Variants in CPA6 observed in about 807,000 individuals in gnomAD.
CPA6 encodes the protein carboxypeptidase B.
CPA6 carries 58 observed loss-of-function variants against 63.3 expected under a neutral mutation model. The ratio of observed to expected loss-of-function variants is 0.92; its 90% confidence interval spans 0.74 to 1.14. CPA6 has a LOEUF of 1.14. CPA6 is among the 50% of genes most tolerant of loss of function. CPA6 has a pLI of 0.00. For synonymous variants in CPA6, 185 were observed against 179.0 expected (o/e 1.03, Z -0.27); for missense variants, 565 against 526.6 (o/e 1.07, Z -0.71).
intron 2 of CPA6, among the ~76,000 whole-genome samples, chr8:67,559,750 C>T (rs1564000366): frequency 1.3e-5 from 2 of 151,970 alleles, no homozygotes; most frequent in African/African-American, 4.8e-5. Flanking sequence ...AGGCATCATT[C>T]TCTGAGCCAT....
At chr8:67,669,812 C>A (rs940226560) in intron 1 of CPA6, among the ~76,000 whole-genome samples, 5 of 151,622 alleles carry the variant, frequency 3.3e-5, no homozygotes, top group African/African-American at 1.2e-4. Context: ...AAAAACAACC[C>A]CAAAAAACAG....
At chr8:67,565,429 G>T (rs559948824) in intron 2 of CPA6, among the ~76,000 whole-genome samples, 11 of 152,230 alleles carry the variant, frequency 7.2e-5, no homozygotes, top group African/African-American at 2.4e-4. Flanking sequence ...CACTTTGAAG[G>T]CTGTTCTTTT....
chr8:67,488,680 C>A (rs1241265687), intron 6 of CPA6, among the ~76,000 whole-genome samples: 2 of 152,150 alleles, frequency 1.3e-5, no homozygotes, highest in Admixed American at 1.3e-4. Flanking sequence ...TCTTCCTATC[C>A]ATGAGCATGG....
chr8:67,611,415 C>T (rs184557269), intron 2 of CPA6, among the ~76,000 whole-genome samples: 2 of 152,128 alleles, frequency 1.3e-5, no homozygotes, highest in Non-Finnish European at 2.9e-5. Context: ...CTATATTCCA[C>T]TTTAGATGGT....
intron 2 of CPA6, among the ~76,000 whole-genome samples, chr8:67,553,180 A>G (rs1229454663): frequency 6.6e-6 from 1 of 152,224 alleles, no homozygotes; most frequent in Admixed American, 6.5e-5. Context: ...CACCTGGCTG[A>G]CAGTGACTTA....
intron 10 of CPA6, among the ~76,000 whole-genome samples, chr8:67,425,201 T>C (rs1312972589): frequency 1.3e-5 from 2 of 152,204 alleles, no homozygotes; most frequent in African/African-American, 4.8e-5. Context: ...ATTAAATGAA[T>C]AAATGTTTCA....
At chr8:67,633,554 G>T (rs1024692242) in intron 1 of CPA6, among the ~76,000 whole-genome samples, 12 of 151,948 alleles carry the variant, frequency 7.9e-5, no homozygotes, top group Non-Finnish European at 1.6e-4. Flanking sequence ...GGTGGCGGGC[G>T]CCTGTAGTCC....
intron 2 of CPA6, among the ~76,000 whole-genome samples, chr8:67,605,506 T>A (rs1814608832): frequency 6.7e-6 from 1 of 150,034 alleles, no homozygotes; most frequent in Admixed American, 6.7e-5. Flanking sequence ...ATTTTAAAAA[T>A]TTGTATTTTT....
chr8:67,718,347 A>G (rs1204323532), intron 1 of CPA6, among the ~76,000 whole-genome samples: 3 of 152,156 alleles, frequency 2.0e-5, no homozygotes, highest in Non-Finnish European at 4.4e-5. Context: ...AGAAAATAAG[A>G]ACTTACTCTT....
intron 1 of CPA6, among the ~76,000 whole-genome samples, chr8:67,724,550 A>G (rs992172570): frequency 2.0e-5 from 3 of 152,202 alleles, no homozygotes; most frequent in Non-Finnish European, 4.4e-5. Context: ...TTAGAAACTG[A>G]GTTTTGAGAA....
chr8:67,475,806 TTTCTTTCTTTCCTTTCTTTTC>T (rs1563967451), intron 8 of CPA6, among the ~76,000 whole-genome samples: 24 of 72,900 alleles, frequency 3.3e-4, no homozygotes, highest in Non-Finnish European at 4.6e-4. Flanking sequence ...TCTTTCTTTC[TTTCTTTCTTTCCTTTCTTTTC>T]TTTCTTTCTT....
chr8:67,719,324 G>A (rs1336167560), intron 1 of CPA6, among the ~76,000 whole-genome samples: 1 of 152,122 alleles, frequency 6.6e-6, no homozygotes, highest in Non-Finnish European at 1.5e-5. Flanking sequence ...AAAGAATGAG[G>A]GGTAGCATCC....
chr8:67,483,663 T>A (rs780149010), intron 8 of CPA6, 105 bp downstream of exon 8: 1 of 910,622 alleles, frequency 1.1e-6, no homozygotes, highest in East Asian at 2.4e-5. Flanking sequence ...GGTTTTCACA[T>A]ACAGAAAAAC....
chr8:67,481,338 C>T (rs79581897), intron 8 of CPA6, among the ~76,000 whole-genome samples: 340 of 152,312 alleles, frequency 2.2e-3, no homozygotes, highest in African/African-American at 7.8e-3. Context: ...GAAATTTATG[C>T]ATTTATTCCT....
At chr8:67,515,731 T>C (rs57836294) in intron 3 of CPA6, among the ~76,000 whole-genome samples, 13,855 of 152,046 alleles carry the variant, frequency 0.091, 1,625 homozygotes, top group African/African-American at 0.27. Context: ...TGATTTAGGC[T>C]ACCTGTTCTT....
chr8:67,556,533 T>C (rs558891405), intron 2 of CPA6, among the ~76,000 whole-genome samples: 160 of 152,194 alleles, frequency 1.1e-3, no homozygotes, highest in Non-Finnish European at 2.0e-3. Flanking sequence ...TGCCTCTTTA[T>C]CTCTGCCTTC....
chr8:67,558,379 TGAG>T (rs1240121266), intron 2 of CPA6, among the ~76,000 whole-genome samples: 6 of 152,350 alleles, frequency 3.9e-5, no homozygotes, highest in Non-Finnish European at 7.3e-5. Flanking sequence ...TTCTTCTCTG[TGAG>T]GAGAATAATA....
chr8:67,737,114 T>A (rs755790011), intron 1 of CPA6, among the ~76,000 whole-genome samples: 1 of 152,228 alleles, frequency 6.6e-6, no homozygotes, highest in Non-Finnish European at 1.5e-5. Flanking sequence ...CTGCTTAAAG[T>A]TGTTCATGAG....
chr8:67,471,518 T>G (rs574950192), intron 8 of CPA6, among the ~76,000 whole-genome samples: 57 of 152,346 alleles, frequency 3.7e-4, no homozygotes, highest in African/African-American at 1.3e-3. Context: ...TGTTGTTTTT[T>G]TTTGTTTGTT....
Sources: gnomAD v4.1 joint callset for allele counts (sites outside exome capture counted in the v4.1 genomes callset) on GRCh38, gnomAD v4.1.1 for gene constraint, MANE v1.5 for transcripts, NCBI Gene and HGNC (gene_info 2026-07-23, HGNC 2026-07-21) for gene names.